The following SPIDR variants were observed in gnomAD, a reference collection of about 807,000 sequenced individuals.
SPIDR encodes DNA repair-scaffolding protein.
In SPIDR, 93 loss-of-function variants were observed where a neutral mutation model predicts 104.6. That is an observed-to-expected ratio of 0.89 (90% CI 0.75 to 1.06). The LOEUF (loss-of-function observed/expected upper bound fraction) is 1.06. SPIDR is among the 50% of genes least tolerant of loss of function. SPIDR has a pLI of 0.00. For missense variants in SPIDR, 1,154 were observed against 1,111.2 expected, an observed-to-expected ratio of 1.04 and a Z score of -0.55; for synonymous variants, 431 against 416.9, an observed-to-expected ratio of 1.03 and a Z score of -0.41.
At chr8:47,284,226 A>G (rs2038366396) in intron 3 of SPIDR, 132 bp downstream of exon 3, 2 of 629,672 alleles carry the variant, frequency 3.2e-6, no homozygotes, top group Non-Finnish European at 5.3e-6. Context: ...AAAAAACATC[A>G]AGATAAGGTA....
intron 14 of SPIDR, among the ~76,000 whole-genome samples, chr8:47,706,805 C>G (rs993805728): frequency 1.3e-5 from 2 of 152,180 alleles, no homozygotes; most frequent in East Asian, 3.8e-4. Flanking sequence ...TCTCACACTT[C>G]CGGAGGCCAG....
At chr8:47,532,523 A>C (rs1196723278) in intron 8 of SPIDR, among the ~76,000 whole-genome samples, 1 of 152,258 alleles carries the variant, frequency 6.6e-6, no homozygotes, top group African/African-American at 2.4e-5. Context: ...AGAGCAAGAA[A>C]AATTATCAAA....
At chr8:47,485,657 TTC>T (rs2077488306) in intron 8 of SPIDR, among the ~76,000 whole-genome samples, 1 of 152,172 alleles carries the variant, frequency 6.6e-6, no homozygotes, top group Non-Finnish European at 1.5e-5. Context: ...GAGACAAAGC[TTC>T]CAGAGGAACG....
intron 8 of SPIDR, among the ~76,000 whole-genome samples, chr8:47,539,716 T>C (rs1258484830): frequency 6.6e-6 from 1 of 151,764 alleles, no homozygotes; most frequent in Non-Finnish European, 1.5e-5. Context: ...GGTGCATACC[T>C]GACAATCTTA....
intron 10 of SPIDR, among the ~76,000 whole-genome samples, chr8:47,637,807 C>CAAA (rs2068193987): frequency 6.6e-6 from 1 of 152,146 alleles, no homozygotes; most frequent in African/African-American, 2.4e-5. Flanking sequence ...TGTACTTTTT[C>CAAA]CTCCTTTCCA....
chr8:47,580,844 A>T (rs575174136), intron 8 of SPIDR, among the ~76,000 whole-genome samples: 2 of 152,300 alleles, frequency 1.3e-5, no homozygotes, highest in Admixed American at 1.3e-4. Context: ...CACATGTCAG[A>T]TACTGTGAAG....
intron 5 of SPIDR, among the ~76,000 whole-genome samples, chr8:47,364,750 A>C (rs2056860489): frequency 6.6e-6 from 1 of 152,244 alleles, no homozygotes; most frequent in Non-Finnish European, 1.5e-5. Flanking sequence ...AATCCAAAAA[A>C]AAGTCTGTTA....
At chr8:47,732,161 C>G in intron 19 of SPIDR, 1 of 702,598 alleles carries the variant, frequency 1.4e-6, no homozygotes, top group African/African-American at 1.7e-5. Flanking sequence ...GGCAGAAATC[C>G]TCCTTCCTTC....
At chr8:47,621,870 C>T (rs930160200) in intron 10 of SPIDR, among the ~76,000 whole-genome samples, 5 of 152,030 alleles carry the variant, frequency 3.3e-5, no homozygotes, top group East Asian at 3.9e-4. Flanking sequence ...GAGGCTGAGG[C>T]GGGAGAATTG....
intron 7 of SPIDR, among the ~76,000 whole-genome samples, chr8:47,437,669 C>A (rs2068616337): frequency 6.6e-6 from 1 of 151,858 alleles, no homozygotes; most frequent in Non-Finnish European, 1.5e-5. Context: ...CAGAGAAATG[C>A]AAATCAAAAC....
chr8:47,454,451 G>C (rs569978441), intron 8 of SPIDR, among the ~76,000 whole-genome samples: 1 of 150,758 alleles, frequency 6.6e-6, no homozygotes, highest in African/African-American at 2.4e-5. Context: ...CACAGGAAGG[G>C]AAACATCACA....
chr8:47,729,550 A>C, intron 19 of SPIDR, 85 bp downstream of exon 19: 1 of 1,473,082 alleles, frequency 6.8e-7, no homozygotes, highest in South Asian at 1.2e-5. Context: ...CCCCACTCCC[A>C]AATGTGTTCT....
chr8:47,659,216 A>G (rs2073580376), intron 10 of SPIDR, among the ~76,000 whole-genome samples: 1 of 152,148 alleles, frequency 6.6e-6, no homozygotes, highest in East Asian at 1.9e-4. Flanking sequence ...CCGAGATGAC[A>G]GCACGGTACT....
intron 5 of SPIDR, among the ~76,000 whole-genome samples, chr8:47,295,881 G>A (rs985510631): frequency 1.2e-4 from 19 of 152,058 alleles, no homozygotes; most frequent in Non-Finnish European, 2.6e-4. Context: ...CTCCATAATA[G>A]CTGTGATAAT....
At chr8:47,296,993 T>C (rs1179513241) in intron 5 of SPIDR, among the ~76,000 whole-genome samples, 4 of 152,344 alleles carry the variant, frequency 2.6e-5, no homozygotes, top group African/African-American at 7.2e-5. Context: ...TCGATGCTAC[T>C]GTAAACGGGA....
chr8:47,297,086 ATTTG>A (rs1260881026), intron 5 of SPIDR, among the ~76,000 whole-genome samples: 2 of 152,154 alleles, frequency 1.3e-5, no homozygotes, highest in Non-Finnish European at 2.9e-5. Context: ...ACTTTACTGA[ATTTG>A]TTTATCAGAC....
intron 7 of SPIDR, among the ~76,000 whole-genome samples, chr8:47,439,979 G>T (rs1554695199): frequency 6.6e-6 from 1 of 152,178 alleles, no homozygotes; most frequent in Non-Finnish European, 1.5e-5. Context: ...TATTCTCCTT[G>T]TGGTCATCAA....
At chr8:47,289,350 AGT>A (rs1183074887) in intron 3 of SPIDR, among the ~76,000 whole-genome samples, 16 of 152,128 alleles carry the variant, frequency 1.1e-4, no homozygotes, top group Non-Finnish European at 1.5e-4. Flanking sequence ...TTAATTTCAT[AGT>A]GTATTAAAAT....
chr8:47,721,783 C>T (rs765448982), intron 16 of SPIDR, among the ~76,000 whole-genome samples: 39 of 152,100 alleles, frequency 2.6e-4, no homozygotes, highest in East Asian at 5.8e-4. Context: ...CCAATTACTG[C>T]GACTTTTAAG....
Sources: allele counts gnomAD v4.1 joint callset (sites outside exome capture counted in the v4.1 genomes callset), GRCh38; gene constraint gnomAD v4.1.1; transcripts MANE v1.5; gene names NCBI Gene and HGNC (gene_info 2026-07-23, HGNC 2026-07-21).